Variants in RNH1 observed in about 807,000 individuals in gnomAD.
RNH1 encodes the protein ribonuclease/angiogenin inhibitor 1, also known as ribonuclease inhibitor.
RNH1 carries 38 observed loss-of-function variants against 46.1 expected under a neutral mutation model. The ratio of observed to expected loss-of-function variants is 0.82; its 90% CI spans 0.64 to 1.08. The LOEUF (loss-of-function observed/expected upper bound fraction) is 1.08, where lower values mean the gene tolerates loss of function less well. Ranked by LOEUF, RNH1 falls within the 50% of genes least tolerant of loss-of-function variation. RNH1 has a pLI of 0.00. For missense variants in RNH1, 577 were observed against 590.7 expected (o/e 0.98, Z 0.24); for synonymous variants, 319 against 279.1 (o/e 1.14, Z -1.43).
intron 9 of RNH1, among the ~76,000 whole-genome samples, chr11:496,815 CAAAG>C (rs1258153815): frequency 1.3e-5 from 2 of 152,218 alleles, no homozygotes; most frequent in Non-Finnish European, 2.9e-5. Context: ...CGTGCTTTAA[CAAAG>C]AAAACAAATC....
intron 5 of RNH1, 91 bp from the exon 6 acceptor site, chr11:499,276 TCC>T (rs890594107): frequency 1.4e-6 from 2 of 1,399,566 alleles, no homozygotes; most frequent in Admixed American, 3.8e-5. Context: ...GTGTCTCATC[TCC>T]CCTCAGTCTT....
chr11:495,662 A>G (rs911626883), intron 9 of RNH1, among the ~76,000 whole-genome samples: 17 of 152,142 alleles, frequency 1.1e-4, no homozygotes, highest in Non-Finnish European at 4.4e-5. Flanking sequence ...CTCAGGGGGA[A>G]CAAGTCTGCA....
intron 1 of RNH1, chr11:506,832 G>A (rs1372396556): frequency 6.6e-6 from 1 of 152,304 alleles, no homozygotes; most frequent in Non-Finnish European, 1.5e-5. Flanking sequence ...CCGCGCCCCG[G>A]GCAAGGACTT....
intron 1 of RNH1, chr11:506,399 C>G (rs1025827683): frequency 2.0e-5 from 3 of 152,270 alleles, no homozygotes; most frequent in African/African-American, 7.2e-5. Context: ...CACGACGTGC[C>G]TGGGGCCCCT....
intron 9 of RNH1, among the ~76,000 whole-genome samples, chr11:496,328 G>A (rs540715816): frequency 6.6e-6 from 1 of 152,218 alleles, no homozygotes; most frequent in South Asian, 2.1e-4. Context: ...GAGGTCAATA[G>A]TTCAAGACCA....
chr11:494,703 C>T lies in RNH1; in HGVS notation c.1374G>A (p.Arg458=). 6.2e-7 allele frequency: 1 copy of T among 1,613,874 alleles called. No homozygotes were observed. The highest frequency in any genetic ancestry group is 1.3e-5 in the African/African-American group (1 of 75,038). ...QALEKDKPSL[R]VIS ...AGCAGGAAGAGCCTCAGGAGATGACCCTCAGGGATGGCTTGTCCTTCTCCA... is the reference window on the plus strand; with the variant it reads ...AGCAGGAAGAGCCTCAGGAGATGACTCTCAGGGATGGCTTGTCCTTCTCCA... The change falls in exon 11 of 11, where the codon AGG becomes AGA. Residue 458 remains arginine (R), a synonymous_variant. Coordinates refer to ENST00000354420, the MANE Select transcript of RNH1 (RefSeq NM_203387.3).
At chr11:505,127 G>GC (rs1014127659) in intron 1 of RNH1, 131 bp from the exon 2 acceptor site, 31 of 151,832 alleles carry the variant, frequency 2.0e-4, no homozygotes, top group African/African-American at 7.5e-4. Flanking sequence ...AAACCAAACT[G>GC]CCCCAACCAC....
rs1462600550 is a variant in RNH1 at position 507,205 on chromosome 11, G to C, written c.-353C>G. The C allele has an allele frequency of 1.3e-5, 2 of 152,008 alleles. No individual in the cohort carries two copies. Among genetic ancestry groups the C allele is most frequent in the Non-Finnish European group, 2.9e-5 (2 of 67,960 alleles). 9.4% of individuals were successfully genotyped at this position (152,008 alleles called of 1,614,324 possible). ...GCCAGCAGAACGGGTTGAACGTGTC[G>C]ACAACCCCACCCGCCAGTCAGCGGC... On this transcript the variant is annotated 5_prime_UTR_variant, in exon 1 of 11. Transcript: ENST00000354420.
intron 9 of RNH1, among the ~76,000 whole-genome samples, chr11:497,689 TCA>T (rs1373764422): frequency 1.6e-5 from 2 of 127,144 alleles, no homozygotes; most frequent in South Asian, 2.4e-4. Context: ...ACCCATGTGC[TCA>T]CACACGGACA....
At position 499,821 on chromosome 11, in the gene RNH1, A is replaced by C. The variant is rs772691856; in HGVS notation, c.443+8T>G. 8 of 1,603,740 alleles carry C rather than the reference A, an allele frequency of 5.0e-6. No homozygotes were observed. The highest frequency in any genetic ancestry group is 6.8e-6 in the Non-Finnish European group (8 of 1,174,630). On this transcript the variant is annotated splice_region_variant and intron_variant, in intron 5 of 10. Transcript: ENST00000354420. ...CAGCATGGGCCCTGGGGCAGGACAC[A>C]AACTCACTGCAGCTTTTCCAGGCGG...
Position 498,453 on chromosome 11 carries a change from TCAC to T in RNH1, c.956+1_956+3del. 1 of 1,611,828 alleles carries T rather than the reference TCAC, an allele frequency of 6.2e-7. No homozygotes were observed. The highest frequency in any genetic ancestry group is 8.5e-7 in the Non-Finnish European group (1 of 1,179,860). On this transcript the variant is annotated splice_donor_variant and splice_donor_region_variant and intron_variant, in intron 8 of 10. Transcript: ENST00000354420. LOFTEE classifies it high-confidence loss of function. ...CAGGGCCCTGCCCCGACAGCCACACTCACCACAGCGACTCCAGCTGGCAGCCAG... is the reference window on the plus strand; with the variant it reads ...CAGGGCCCTGCCCCGACAGCCACACTCACAGCGACTCCAGCTGGCAGCCAG...
rs771372547 is a variant in RNH1, at chr11:499,897, C to A, written c.375G>T (p.Leu125Phe). 42 of 1,613,184 alleles carry A rather than the reference C, an allele frequency of 2.6e-5. No individual in the cohort carries two copies. Among genetic ancestry groups the A allele is most frequent in the Middle Eastern group, 3.3e-4 (2 of 6,014 alleles). ...LQELHLSDNL[L>F]GDAGLQLLCE... ...AGAGCAGCTGCAGGCCCGCATCCCCCAAGAGGTTGTCGCTGAGGTGCAGCT... is the reference window on the plus strand; with the variant it reads ...AGAGCAGCTGCAGGCCCGCATCCCCAAAGAGGTTGTCGCTGAGGTGCAGCT... The change falls in exon 5 of 11, where the codon TTG becomes TTT. Residue 125 changes from leucine to phenylalanine, a missense_variant. Leu to Phe is a conservative substitution (Grantham distance 22). Coordinates refer to ENST00000354420, the MANE Select transcript of RNH1 (RefSeq NM_203387.3).
chr11:495,088 C>A (rs774015405), intron 9 of RNH1, 35 bp from the exon 10 acceptor site: 3 of 1,586,262 alleles, frequency 1.9e-6, no homozygotes, highest in Non-Finnish European at 2.6e-6. Context: ...GGGTGCCGGG[C>A]GTGCCTGGCA....
At chr11:499,690 TG>T in intron 5 of RNH1, 138 bp downstream of exon 5, 1 of 1,012,640 alleles carries the variant, frequency 9.9e-7, no homozygotes, top group Non-Finnish European at 1.5e-6. Flanking sequence ...CCCAGCATCA[TG>T]GGGAAAGGAG....
In RNH1 at chr11:501,230, G is replaced by A. The variant is rs998257907; in HGVS notation, c.102-576C>T. 9.9e-6 allele frequency: 2 copies of A among 203,026 alleles called. No individual in the cohort carries two copies. The highest frequency in any genetic ancestry group is 2.3e-5 in the African/African-American group (1 of 42,866). The allele number at this position is 203,026 out of a possible 1,614,324, so 12.6% of individuals were successfully genotyped here. A position where few individuals can be genotyped will look rare whatever the true frequency, so the allele number is the denominator to read the frequency against. On this transcript the variant is annotated intron_variant, in intron 3 of 10. Transcript: ENST00000354420. This position sits in a 1 kb window ranked among gnomAD's most constrained non-coding sequence, Gnocchi z 4.1. Reference sequence around the variant, plus strand: ...TGGCAGACGGCGCCTGTGACAGGACGCTCCTGGCAGGCCCCACGGCATCTC... The same window carrying A: ...TGGCAGACGGCGCCTGTGACAGGACACTCCTGGCAGGCCCCACGGCATCTC...
Position 502,271 on chromosome 11 carries a change from C to A in RNH1, c.-87-22G>T, listed in dbSNP as rs147659361. ...GATTCTGCAAACAGGACCCACAGGGCTGATGTTTCAGGAGGAGCCGCAGCC... is the reference window on the plus strand; with the variant it reads ...GATTCTGCAAACAGGACCCACAGGGATGATGTTTCAGGAGGAGCCGCAGCC... On this transcript the variant is annotated intron_variant, in intron 2 of 10. Transcript: ENST00000354420. This position sits in a 1 kb window ranked among gnomAD's most constrained non-coding sequence, Gnocchi z 5.8. 6,297 of 856,248 alleles carry A rather than the reference C, an allele frequency of 7.4e-3. 23 individuals carry two copies. The highest frequency in any genetic ancestry group is 8.6e-3 in the Non-Finnish European group (4,568 of 528,128). 53.0% of individuals were successfully genotyped at this position (856,248 alleles called of 1,614,324 possible).
At chr11:500,744 A>G (rs556587971) in intron 3 of RNH1, 90 bp from the exon 4 acceptor site, 3 of 1,372,110 alleles carry the variant, frequency 2.2e-6, no homozygotes, top group East Asian at 2.4e-5. Context: ...ACAACCTATC[A>G]GTGGGCCCAG....
intron 9 of RNH1, among the ~76,000 whole-genome samples, chr11:496,662 C>G (rs1254468022): frequency 6.6e-6 from 1 of 152,054 alleles, no homozygotes; most frequent in Non-Finnish European, 1.5e-5. Flanking sequence ...GAGCAAGACT[C>G]TCTCAAAAAA....
rs750523414 is a variant in RNH1 at position 499,032 on chromosome 11, G to T, written c.597C>A (p.Cys199Ter). The T allele has an allele frequency of 1.2e-5, 19 of 1,613,186 alleles. No homozygotes were observed. The highest frequency in any genetic ancestry group is 1.5e-5 in the Non-Finnish European group (18 of 1,179,942). ...VLCQGLKDSPCQLEALKLESC... is the reference protein window; with the variant it reads ...VLCQGLKDSP ...GTGCCTACTTGAGCGCCTCCAGCTGGCAGGGGGAGTCCTTCAGGCCCTGGC... is the reference window on the plus strand; with the variant it reads ...GTGCCTACTTGAGCGCCTCCAGCTGTCAGGGGGAGTCCTTCAGGCCCTGGC... Residue 199 changes from cysteine (C) to a stop codon, truncating the protein, a stop_gained, in exon 6 of 11, where the codon TGC (cysteine) becomes TGA (stop). Transcript: ENST00000354420. LOFTEE classifies it high-confidence loss of function.
Sources: allele counts gnomAD v4.1 joint callset (sites outside exome capture counted in the v4.1 genomes callset), GRCh38; gene constraint gnomAD v4.1.1; non-coding constraint Gnocchi (gnomAD v3.1); transcripts MANE v1.5; gene names NCBI Gene and HGNC (gene_info 2026-07-23, HGNC 2026-07-21).